The following WARS1 variants were observed in gnomAD, a reference collection of about 807,000 sequenced individuals.
The protein encoded by WARS1 is tryptophanyl-tRNA synthetase 1, also known as tryptophan--tRNA ligase, cytoplasmic.
In WARS1, 17 loss-of-function variants were observed where a neutral mutation model predicts 47.8. That is an observed-to-expected ratio of 0.36 (90% CI 0.24 to 0.53). WARS1 has a LOEUF of 0.53. WARS1 is among the 20% of genes least tolerant of loss of function. The pLI is 0.91. For synonymous variants in WARS1, 208 were observed against 228.1 expected, an observed-to-expected ratio of 0.91 and a Z score of 0.79; for missense variants, 434 against 608.0, an observed-to-expected ratio of 0.71 and a Z score of 3.01.
chr14:100,367,925 T>C (rs951208879), intron 2 of WARS1, among the ~76,000 whole-genome samples: 16 of 150,060 alleles, frequency 1.1e-4, no homozygotes, highest in African/African-American at 3.7e-4. Flanking sequence ...TCAGAAACAA[T>C]TGGAAGATTT....
At chr14:100,367,116 A>C (rs560192270) in intron 2 of WARS1, among the ~76,000 whole-genome samples, 14 of 152,144 alleles carry the variant, frequency 9.2e-5, no homozygotes, top group Non-Finnish European at 5.9e-5. Context: ...TGCTGTGAGG[A>C]AACTTCAGGG....
At chr14:100,359,635 T>A (rs953822088) in intron 4 of WARS1, among the ~76,000 whole-genome samples, 1 of 152,156 alleles carries the variant, frequency 6.6e-6, no homozygotes, top group Non-Finnish European at 1.5e-5. Flanking sequence ...TCACAAAAAA[T>A]TTTTACAACT....
intron 8 of WARS1, among the ~76,000 whole-genome samples, chr14:100,342,956 T>C (rs1894275478): frequency 6.6e-6 from 1 of 152,066 alleles, no homozygotes; most frequent in Non-Finnish European, 1.5e-5. Flanking sequence ...TAGAGTGCAG[T>C]GATGCGCTCT....
intron 7 of WARS1, 32 bp downstream of exon 7, chr14:100,346,714 G>A (rs748470089): frequency 3.3e-6 from 5 of 1,530,708 alleles, no homozygotes; most frequent in Non-Finnish European, 4.5e-6. Flanking sequence ...AAGGGTGCAG[G>A]GAGTGGTCCA....
intron 6 of WARS1, among the ~76,000 whole-genome samples, chr14:100,349,583 C>T (rs568157663): frequency 6.6e-6 from 1 of 152,368 alleles, no homozygotes; most frequent in South Asian, 2.1e-4. Flanking sequence ...CACTAGCACC[C>T]AGCTCCCTTC....
At chr14:100,337,950 C>G (rs1270443253) in intron 9 of WARS1, among the ~76,000 whole-genome samples, 1 of 152,062 alleles carries the variant, frequency 6.6e-6, no homozygotes, top group South Asian at 2.1e-4. Flanking sequence ...AGGGCAGCCT[C>G]TCTTAGGGAT....
intron 10 of WARS1, 116 bp from the exon 11 acceptor site, chr14:100,335,152 G>T (rs1893632576): frequency 2.2e-6 from 2 of 925,342 alleles, no homozygotes; most frequent in Non-Finnish European, 3.2e-6. Context: ...CACGTGGGTG[G>T]CACTCAGAAG....
chr14:100,349,472 T>C (rs1282946693), intron 6 of WARS1, among the ~76,000 whole-genome samples: 2 of 152,036 alleles, frequency 1.3e-5, no homozygotes, highest in Admixed American at 1.3e-4. Flanking sequence ...GAGGAGCTCC[T>C]CCCATGCCCG....
chr14:100,364,369 T>C (rs1025632017), intron 2 of WARS1, among the ~76,000 whole-genome samples: 1 of 152,180 alleles, frequency 6.6e-6, no homozygotes, highest in African/African-American at 2.4e-5. Context: ...GTGGATCTTA[T>C]TCTTTAGATA....
chr14:100,367,064 A>G, intron 2 of WARS1: 1 of 687,826 alleles, frequency 1.5e-6, no homozygotes, highest in Non-Finnish European at 2.4e-6. Context: ...AAAAAATCTC[A>G]GAGAGAAAAG....
intron 6 of WARS1, among the ~76,000 whole-genome samples, chr14:100,347,196 G>A (rs1353950970): frequency 1.3e-5 from 2 of 152,244 alleles, no homozygotes; most frequent in Non-Finnish European, 2.9e-5. Context: ...AGTTCAGTGG[G>A]CTGTGGAGCT....
At chr14:100,349,250 A>G (rs556401673) in intron 6 of WARS1, among the ~76,000 whole-genome samples, 118 of 152,188 alleles carry the variant, frequency 7.8e-4, no homozygotes, top group Non-Finnish European at 1.3e-3. Context: ...AGTCTTCTCT[A>G]CCCCTGCCCT....
intron 9 of WARS1, among the ~76,000 whole-genome samples, chr14:100,341,177 A>G (rs1246704622): frequency 6.6e-6 from 1 of 152,128 alleles, no homozygotes; most frequent in Non-Finnish European, 1.5e-5. Flanking sequence ...CGGCCTCTCA[A>G]AGTGCTGGAA....
rs142127615 is a variant in WARS1 at position 100,369,113 on chromosome 14, A to C, written c.73T>G (p.Ser25Ala). Residue 25 changes from serine (S) to alanine (A), a missense_variant, in exon 2 of 11, where the codon TCC (serine) becomes GCC (alanine). By Grantham distance (99) the Ser-to-Ala change is moderately conservative. This residue lies in a region of WARS1 where 87 missense variants were observed against 84.2 expected (regional missense o/e 1.03). Transcript: ENST00000392882. The stretch of plus-strand genomic sequence containing the variant: ...TTTGACGCATTTCCCGCTTTGAGGG[A>C]CCTTACGAGCTCCCCTTGTGTGGCG... Reference protein sequence around the residue: ...SIATQGELVRSLKAGNASKDE... With the variant: ...SIATQGELVRALKAGNASKDE... 1.3e-6 allele frequency: 2 copies of C among 1,566,238 alleles called. No homozygotes were observed. Among genetic ancestry groups the C allele is most frequent in the Non-Finnish European group, 1.7e-6 (2 of 1,147,330 alleles).
intron 4 of WARS1, among the ~76,000 whole-genome samples, chr14:100,354,840 C>A (rs1412248909): frequency 6.6e-6 from 1 of 152,150 alleles, no homozygotes; most frequent in East Asian, 1.9e-4. Context: ...CTCCTGGAAT[C>A]CCTCCAAACA....
At chr14:100,372,003 T>C (rs1896380874) in intron 1 of WARS1, among the ~76,000 whole-genome samples, 1 of 152,204 alleles carries the variant, frequency 6.6e-6, no homozygotes, top group East Asian at 1.9e-4. Context: ...TGACATTCCC[T>C]TGTGAAATTC....
intron 9 of WARS1, among the ~76,000 whole-genome samples, chr14:100,337,577 A>G (rs1006543001): frequency 1.3e-5 from 2 of 151,756 alleles, no homozygotes; most frequent in Non-Finnish European, 2.9e-5. Context: ...AAGGCCAGAC[A>G]TGGTAGCTTG....
chr14:100,363,125 C>G (rs182398042), intron 2 of WARS1, among the ~76,000 whole-genome samples: 1 of 152,282 alleles, frequency 6.6e-6, no homozygotes, highest in East Asian at 1.9e-4. Context: ...TACGTATAAT[C>G]TATCCAATTA....
intron 1 of WARS1, chr14:100,374,345 C>T (rs1187213785): frequency 6.6e-6 from 1 of 152,200 alleles, no homozygotes; most frequent in African/African-American, 2.4e-5. Context: ...GTGTAAAGAG[C>T]AAAACTGCCT....
Sources: gnomAD v4.1 joint callset for allele counts (sites outside exome capture counted in the v4.1 genomes callset) on GRCh38, gnomAD v4.1.1 for gene constraint, gnomAD v4.1.1 regional missense constraint, MANE v1.5 for transcripts, NCBI Gene and HGNC (gene_info 2026-07-23, HGNC 2026-07-21) for gene names.